Variants in NALF1 observed in about 807,000 individuals in gnomAD.
NALF1 encodes family with sequence similarity 155 member A.
Under a neutral mutation model 48.4 loss-of-function variants are expected in NALF1, and 3 were observed. The observed-to-expected ratio is 0.06, with a 90% confidence interval of 0.03 to 0.16. The LOEUF (loss-of-function observed/expected upper bound fraction) is 0.16. Among genes scored for constraint, NALF1 ranks in the 10% least tolerant of loss-of-function variants. The pLI is 1.00. For missense variants in NALF1, 526 were observed against 571.5 expected, an observed-to-expected ratio of 0.92 and a Z score of 0.81; for synonymous variants, 262 against 245.7, an observed-to-expected ratio of 1.07 and a Z score of -0.62.
chr13:107,647,937 C>T (rs1329185415), intron 1 of NALF1, among the ~76,000 whole-genome samples: 2 of 151,968 alleles, frequency 1.3e-5, no homozygotes, highest in Admixed American at 1.3e-4. Context: ...AAAAGCTACC[C>T]TAATTTTTAC....
At chr13:107,427,567 A>G (rs1345651499) in intron 1 of NALF1, among the ~76,000 whole-genome samples, 1 of 152,160 alleles carries the variant, frequency 6.6e-6, no homozygotes, top group Non-Finnish European at 1.5e-5. Context: ...TTTTCATGGG[A>G]AGAAAAAAAG....
chr13:107,277,698 C>T (rs923230564), intron 1 of NALF1, among the ~76,000 whole-genome samples: 2 of 152,234 alleles, frequency 1.3e-5, no homozygotes, highest in Admixed American at 6.5e-5. Flanking sequence ...CAATTTCTAA[C>T]TGGTTCCCAC....
At chr13:107,811,099 ATCC>A (rs1305326094) in intron 1 of NALF1, among the ~76,000 whole-genome samples, 1 of 152,090 alleles carries the variant, frequency 6.6e-6, no homozygotes, top group Non-Finnish European at 1.5e-5. Context: ...AGAGTCCAAA[ATCC>A]TCCTTATGAA....
intron 1 of NALF1, among the ~76,000 whole-genome samples, chr13:107,542,148 A>C (rs946553643): frequency 6.6e-6 from 1 of 152,190 alleles, no homozygotes; most frequent in Non-Finnish European, 1.5e-5. Flanking sequence ...TTATTCAGTC[A>C]TGAAAAAGAA....
intron 1 of NALF1, among the ~76,000 whole-genome samples, chr13:107,332,074 C>T (rs1251822604): frequency 1.3e-5 from 2 of 152,094 alleles, no homozygotes; most frequent in African/African-American, 2.4e-5. Context: ...TGGATATGGA[C>T]ATTAAGGTTT....
At chr13:107,805,356 C>T (rs991134746) in intron 1 of NALF1, among the ~76,000 whole-genome samples, 4 of 152,132 alleles carry the variant, frequency 2.6e-5, no homozygotes, top group Non-Finnish European at 5.9e-5. Flanking sequence ...CCTATCAATG[C>T]TATCAGTACT....
chr13:107,680,252 G>C (rs968765623), intron 1 of NALF1, among the ~76,000 whole-genome samples: 14 of 152,334 alleles, frequency 9.2e-5, no homozygotes, highest in African/African-American at 2.9e-4. Context: ...TGTTCTCTCT[G>C]TACAGATGCC....
intron 1 of NALF1, among the ~76,000 whole-genome samples, chr13:107,351,851 A>T (rs1882882200): frequency 6.6e-6 from 1 of 152,244 alleles, no homozygotes; most frequent in Non-Finnish European, 1.5e-5. Context: ...AAAGGCTTGC[A>T]GCCTGCGGGC....
chr13:107,280,405 A>G (rs1327036613), intron 1 of NALF1, among the ~76,000 whole-genome samples: 2 of 152,202 alleles, frequency 1.3e-5, no homozygotes, highest in African/African-American at 4.8e-5. Context: ...GTTAAACTTT[A>G]TATATCATTT....
chr13:107,710,811 ATG>A (rs1566452955), intron 1 of NALF1, among the ~76,000 whole-genome samples: 2 of 72,150 alleles, frequency 2.8e-5, no homozygotes, highest in African/African-American at 9.5e-5. Context: ...ATATACATAT[ATG>A]TGTATATATA....
At chr13:107,325,855 C>T (rs9587351) in intron 1 of NALF1, among the ~76,000 whole-genome samples, 30,723 of 50,892 alleles carry the variant, frequency 0.6, 9,938 homozygotes, top group Non-Finnish European at 0.73. Flanking sequence ...CACACACACA[C>T]ATATATATAT....
At chr13:107,283,018 A>G (rs1262408852) in intron 1 of NALF1, among the ~76,000 whole-genome samples, 1 of 152,244 alleles carries the variant, frequency 6.6e-6, no homozygotes. Context: ...CACTGGAAAC[A>G]TACTTCCAAT....
intron 1 of NALF1, among the ~76,000 whole-genome samples, chr13:107,625,472 G>T (rs1004401287): frequency 6.6e-6 from 1 of 152,016 alleles, no homozygotes; most frequent in African/African-American, 2.4e-5. Context: ...GTATCTTAGG[G>T]ACATTGCAAA....
At position 107,336,368 on chromosome 13, in the gene NALF1, G is replaced by GATAATA. The variant is rs760969544; in HGVS notation, c.916-125619_916-125614dup. Among the ~76,000 whole-genome samples, 39 of 127,298 alleles carry GATAATA rather than the reference G, an allele frequency of 3.1e-4. No homozygotes were observed. In the East Asian group the frequency reaches 7.1e-3, roughly 23 times the overall value. 83.5% of individuals were successfully genotyped at this position (127,298 alleles called of 152,430 possible). A position where few individuals can be genotyped will look rare whatever the true frequency, so the allele number is the denominator to read the frequency against. On this transcript the variant is annotated intron_variant, in intron 1 of 2. Coordinates refer to ENST00000375915, the MANE Select transcript of NALF1 (RefSeq NM_001080396.3). Reference sequence around the variant, plus strand: ...ACTCTGTCTCGATGATGATGATGATGATAATAATAATAATAATAATAATAA... The same window carrying GATAATA: ...ACTCTGTCTCGATGATGATGATGATGATAATAATAATAATAATAATAATAATAATAA...
chr13:107,534,628 C>G (rs898587895), intron 1 of NALF1, among the ~76,000 whole-genome samples: 2 of 152,006 alleles, frequency 1.3e-5, no homozygotes, highest in African/African-American at 4.8e-5. Context: ...CCAGTATTTC[C>G]TACATTTTAG....
At chr13:107,480,850 T>C (rs1421253029) in intron 1 of NALF1, among the ~76,000 whole-genome samples, 1 of 152,192 alleles carries the variant, frequency 6.6e-6, no homozygotes, top group Non-Finnish European at 1.5e-5. Context: ...TTGCTAAAAA[T>C]AGTATTTCGA....
rs546792506 is a variant in NALF1 at position 107,633,565 on chromosome 13, A to G, written c.915+232117T>C. 8.5e-5 allele frequency among the ~76,000 whole-genome samples: 13 copies of G among 152,070 alleles called. No individual in the cohort carries two copies. In the South Asian group the frequency reaches 1.7e-3, roughly 19 times the overall value. On this transcript the variant is annotated intron_variant, in intron 1 of 2. Transcript: ENST00000375915. Reference sequence around the variant, plus strand: ...TACCTCCTACTCTGGTCTTTGTGATATCGTACATCCTGGTCCTCATAAATA... The same window carrying G: ...TACCTCCTACTCTGGTCTTTGTGATGTCGTACATCCTGGTCCTCATAAATA...
chr13:107,620,926 G>A (rs1879502013), intron 1 of NALF1, among the ~76,000 whole-genome samples: 1 of 152,092 alleles, frequency 6.6e-6, no homozygotes, highest in Admixed American at 6.6e-5. Context: ...TGGTTTATTT[G>A]AAGAGAAATG....
Position 107,867,222 on chromosome 13 carries a change from T to C in NALF1, c.-626A>G, listed in dbSNP as rs895152278. ...TCCGCCTCCCGCTCCTGCTCCGCGC[T>C]GGCTCTCCCAGAGTCCGGAGCCTGG... On this transcript the variant is annotated 5_prime_UTR_variant, in exon 1 of 3. Transcript: ENST00000375915. This position sits in a 1 kb window ranked among gnomAD's most constrained non-coding sequence, Gnocchi z 4.4. Among the ~76,000 whole-genome samples the C allele has an allele frequency of 3.0e-4, 46 of 150,944 alleles. No individual in the cohort carries two copies. Among genetic ancestry groups the C allele is most frequent in the African/African-American group, 1.1e-3 (46 of 41,266 alleles).
Sources: gnomAD v4.1 joint callset for allele counts (sites outside exome capture counted in the v4.1 genomes callset) on GRCh38, gnomAD v4.1.1 for gene constraint, Gnocchi (gnomAD v3.1) non-coding constraint, MANE v1.5 for transcripts, NCBI Gene and HGNC (gene_info 2026-07-23, HGNC 2026-07-21) for gene names.